The following SORCS3 variants were observed in gnomAD, a reference collection of about 807,000 sequenced individuals.
SORCS3 encodes the protein sortilin related VPS10 domain containing receptor 3.
In SORCS3, 57 loss-of-function variants were observed where a neutral mutation model predicts 146.3. The ratio of observed to expected loss-of-function variants is 0.39; its 90% CI spans 0.31 to 0.49. SORCS3 has a LOEUF of 0.49. SORCS3 is among the 20% of genes least tolerant of loss of function. SORCS3 has a pLI of 0.92. For synonymous variants in SORCS3, 653 were observed against 618.5 expected, an observed-to-expected ratio of 1.06 and a Z score of -0.83; for missense variants, 1,341 against 1,575.5, an observed-to-expected ratio of 0.85 and a Z score of 2.52.
chr10:105,206,115 G>A (rs1564784642), intron 16 of SORCS3, among the ~76,000 whole-genome samples: 2 of 152,158 alleles, frequency 1.3e-5, no homozygotes, highest in Admixed American at 6.5e-5. Flanking sequence ...TGGAGCACAA[G>A]CAAGGATGTG....
In SORCS3 at chr10:104,947,009, A is replaced by G. The variant is rs144467511; in HGVS notation, c.796-30326A>G. Among the ~76,000 whole-genome samples, 907 of 152,170 alleles carry G rather than the reference A, an allele frequency of 6.0e-3. 6 individuals are homozygous for G. The highest frequency in any genetic ancestry group is 0.021 in the African/African-American group (851 of 41,510). The stretch of plus-strand genomic sequence containing the variant: ...CTTACCTCTGGGAGGTGGTAGCCTG[A>G]GATTGTCTGCGGTCCCTGGCATGGA... On this transcript the variant is annotated intron_variant, in intron 3 of 26. Transcript: ENST00000369701.
chr10:105,209,590 A>T (rs1308525462), intron 16 of SORCS3, among the ~76,000 whole-genome samples: 1 of 152,176 alleles, frequency 6.6e-6, no homozygotes, highest in Non-Finnish European at 1.5e-5. Flanking sequence ...TGTAGCTTCC[A>T]CTTATAGTTA....
At chr10:104,751,923 G>GAATA (rs1564675362) in intron 1 of SORCS3, among the ~76,000 whole-genome samples, 66 of 21,752 alleles carry the variant, frequency 3.0e-3, no homozygotes, top group Non-Finnish European at 6.4e-3. Context: ...CTAATAGGAA[G>GAATA]CATATATATA....
At chr10:105,001,245 C>A (rs751015877) in intron 4 of SORCS3, among the ~76,000 whole-genome samples, 1 of 152,072 alleles carries the variant, frequency 6.6e-6, no homozygotes, top group African/African-American at 2.4e-5. Context: ...TAGGAGCCAG[C>A]AAAGGAGAGA....
At chr10:105,158,027 A>C (rs1034665792) in intron 10 of SORCS3, among the ~76,000 whole-genome samples, 1 of 152,152 alleles carries the variant, frequency 6.6e-6, no homozygotes, top group Non-Finnish European at 1.5e-5. Flanking sequence ...TGGGACTACA[A>C]TGGTAAATAC....
intron 1 of SORCS3, among the ~76,000 whole-genome samples, chr10:104,704,654 G>T (rs552555314): frequency 6.6e-6 from 1 of 152,282 alleles, no homozygotes; most frequent in South Asian, 2.1e-4. Context: ...GTTTTGTAAA[G>T]TGTAATGGAC....
intron 1 of SORCS3, among the ~76,000 whole-genome samples, chr10:104,684,899 C>A (rs2016027142): frequency 7.2e-6 from 1 of 139,258 alleles, no homozygotes; most frequent in Non-Finnish European, 1.5e-5. Context: ...CTCACTGCAA[C>A]CTCTGCCTCC....
intron 1 of SORCS3, chr10:104,664,520 C>T (rs2015743749): frequency 6.6e-6 from 1 of 152,194 alleles, no homozygotes; most frequent in African/African-American, 2.4e-5. Flanking sequence ...GTCTCACAGC[C>T]ATGTCCTGCT....
chr10:104,892,775 C>T (rs2018761528), intron 2 of SORCS3, among the ~76,000 whole-genome samples: 1 of 151,948 alleles, frequency 6.6e-6, no homozygotes, highest in South Asian at 2.1e-4. Flanking sequence ...GTACTTAATA[C>T]ATGTGAGTTC....
At chr10:105,132,149 G>A (rs866907901) in intron 7 of SORCS3, among the ~76,000 whole-genome samples, 2 of 152,186 alleles carry the variant, frequency 1.3e-5, no homozygotes, top group Middle Eastern at 6.8e-3. Flanking sequence ...TATTTGTTGT[G>A]TATCTTTGAG....
intron 2 of SORCS3, among the ~76,000 whole-genome samples, chr10:104,846,456 A>G (rs2018206153): frequency 6.6e-6 from 1 of 152,184 alleles, no homozygotes; most frequent in Non-Finnish European, 1.5e-5. Flanking sequence ...TTGAAATTGA[A>G]TTCAGTGATC....
intron 2 of SORCS3, among the ~76,000 whole-genome samples, chr10:104,876,795 TTCTC>T (rs1206802020): frequency 6.8e-6 from 1 of 147,788 alleles, no homozygotes; most frequent in Non-Finnish European, 1.5e-5. Flanking sequence ...TCTTTTTTCT[TTCTC>T]TCTTTCTCTT....
At chr10:105,046,226 T>C (rs150170267) in intron 5 of SORCS3, among the ~76,000 whole-genome samples, 77 of 152,206 alleles carry the variant, frequency 5.1e-4, no homozygotes, top group African/African-American at 1.9e-3. Context: ...TGTAGACAAA[T>C]AGAGTGAACA....
intron 3 of SORCS3, among the ~76,000 whole-genome samples, chr10:104,921,984 C>G: frequency 6.6e-6 from 1 of 152,104 alleles, no homozygotes. Flanking sequence ...TTCAGGCTAC[C>G]CTGCAGAAAT....
At chr10:105,255,160 A>G (rs1156575773) in intron 23 of SORCS3, among the ~76,000 whole-genome samples, 28 of 140,118 alleles carry the variant, frequency 2.0e-4, no homozygotes, top group African/African-American at 5.3e-4. Context: ...CTGCACTCCA[A>G]CCTGGGCGAC....
At chr10:104,760,197 G>A (rs1198481754) in intron 1 of SORCS3, among the ~76,000 whole-genome samples, 2 of 152,166 alleles carry the variant, frequency 1.3e-5, no homozygotes, top group Admixed American at 6.5e-5. Context: ...GAAGAGATTA[G>A]CAGGAGTGGG....
intron 1 of SORCS3, among the ~76,000 whole-genome samples, chr10:104,737,305 G>A (rs1466667030): frequency 6.6e-6 from 1 of 151,848 alleles, no homozygotes; most frequent in Non-Finnish European, 1.5e-5. Flanking sequence ...GTAATGGGAT[G>A]GCTGGGTCAA....
At chr10:104,821,118 A>G (rs1446135678) in intron 1 of SORCS3, among the ~76,000 whole-genome samples, 1 of 152,202 alleles carries the variant, frequency 6.6e-6, no homozygotes, top group Non-Finnish European at 1.5e-5. Flanking sequence ...TCTTGGCTGC[A>G]TCTTCGGGTT....
intron 6 of SORCS3, among the ~76,000 whole-genome samples, chr10:105,097,744 G>A (rs898963546): frequency 6.6e-6 from 1 of 152,118 alleles, no homozygotes; most frequent in Non-Finnish European, 1.5e-5. Flanking sequence ...GAACAAAGCA[G>A]TAACAACAGA....
Sources: gnomAD v4.1 joint callset for allele counts (sites outside exome capture counted in the v4.1 genomes callset) on GRCh38, gnomAD v4.1.1 for gene constraint, MANE v1.5 for transcripts, NCBI Gene and HGNC (gene_info 2026-07-23, HGNC 2026-07-21) for gene names.